Variants in CDK17 observed in about 807,000 individuals in gnomAD.
CDK17 encodes the protein cyclin dependent kinase 17, also known as cyclin-dependent kinase 17.
Under a neutral mutation model 77.6 loss-of-function variants are expected in CDK17, and 24 were observed. The ratio of observed to expected loss-of-function variants is 0.31; its 90% confidence interval spans 0.22 to 0.44. The LOEUF (loss-of-function observed/expected upper bound fraction) is 0.44, where lower values mean the gene tolerates loss of function less well. Among genes scored for constraint, CDK17 ranks in the 20% least tolerant of loss-of-function variants. CDK17 has a pLI of 1.00. For missense variants in CDK17, 429 were observed against 622.5 expected, an observed-to-expected ratio of 0.69 and a Z score of 3.31; for synonymous variants, 203 against 210.4, an observed-to-expected ratio of 0.96 and a Z score of 0.30.
At chr12:96,349,453 C>CA (rs1489746829) in intron 1 of CDK17, among the ~76,000 whole-genome samples, 18 of 111,674 alleles carry the variant, frequency 1.6e-4, no homozygotes, top group South Asian at 3.1e-4. Context: ...AACCCTGTCT[C>CA]AAAAAAAAAG....
At chr12:96,388,002 G>C (rs948302091) in intron 1 of CDK17, among the ~76,000 whole-genome samples, 1 of 151,970 alleles carries the variant, frequency 6.6e-6, no homozygotes, top group African/African-American at 2.4e-5. Flanking sequence ...AGGTGTGGCA[G>C]CTCACGCCTG....
chr12:96,302,659 G>C (rs1156964580), intron 5 of CDK17, among the ~76,000 whole-genome samples: 1 of 152,084 alleles, frequency 6.6e-6, no homozygotes, highest in African/African-American at 2.4e-5. Context: ...CTTCTCAGGA[G>C]TAGAGAAATT....
At chr12:96,337,744 A>G (rs1438851998) in intron 1 of CDK17, among the ~76,000 whole-genome samples, 1 of 152,034 alleles carries the variant, frequency 6.6e-6, no homozygotes, top group East Asian at 1.9e-4. Flanking sequence ...AGCTATTGCC[A>G]CTCTCATCTA....
intron 1 of CDK17, among the ~76,000 whole-genome samples, chr12:96,365,000 A>G (rs895092095): frequency 6.6e-6 from 1 of 152,234 alleles, no homozygotes; most frequent in African/African-American, 2.4e-5. Context: ...GTTTATATAT[A>G]TCACAAATAG....
intron 15 of CDK17, 120 bp from the exon 16 acceptor site, chr12:96,281,005 G>T: frequency 1.2e-6 from 1 of 814,116 alleles, no homozygotes; most frequent in African/African-American, 1.7e-5. Flanking sequence ...TTTACAAGGT[G>T]ATAGCCCTGC....
chr12:96,316,342 C>T (rs1205880805), intron 3 of CDK17, among the ~76,000 whole-genome samples: 13 of 151,688 alleles, frequency 8.6e-5, no homozygotes, highest in Non-Finnish European at 1.9e-4. Flanking sequence ...GCACAGCAGT[C>T]TGAGATCAAA....
At chr12:96,361,016 G>A (rs541681324) in intron 1 of CDK17, among the ~76,000 whole-genome samples, 1 of 152,222 alleles carries the variant, frequency 6.6e-6, no homozygotes, top group African/African-American at 2.4e-5. Context: ...CCAGAGCTGA[G>A]AGGAACAAAG....
chr12:96,294,584 C>CAAAA (rs11313631), intron 10 of CDK17, among the ~76,000 whole-genome samples: 2 of 54,344 alleles, frequency 3.7e-5, no homozygotes, highest in Non-Finnish European at 6.2e-5. Context: ...ATGCTGTCTT[C>CAAAA]AAAAAAAAAA....
chr12:96,371,568 G>A lies in CDK17; in HGVS notation c.-30+28418C>T, dbSNP rs1015946403. On this transcript the variant is annotated intron_variant, in intron 1 of 16. Transcript: ENST00000261211. ...AACACTTTGGGAGGCTGAGGTGGGCGGATCACCTGAGGTCAGGAGTTGGAG... is the reference window on the plus strand; with the variant it reads ...AACACTTTGGGAGGCTGAGGTGGGCAGATCACCTGAGGTCAGGAGTTGGAG... 1.2e-4 allele frequency among the ~76,000 whole-genome samples: 18 copies of A among 152,172 alleles called. 1 individual carries two copies. The East Asian group carries it at 3.1e-3, about 26-fold the overall frequency.
chr12:96,373,988 C>A (rs1953738021), intron 1 of CDK17, among the ~76,000 whole-genome samples: 1 of 152,102 alleles, frequency 6.6e-6, no homozygotes, highest in Non-Finnish European at 1.5e-5. Flanking sequence ...GATGTGAGAT[C>A]TAAATCAGAA....
chr12:96,311,413 T>C (rs1952644144), intron 4 of CDK17, among the ~76,000 whole-genome samples: 6 of 151,448 alleles, frequency 4.0e-5, no homozygotes. Flanking sequence ...AATTTTTGAG[T>C]CCTTTCACTG....
At chr12:96,373,333 C>T (rs1181151540) in intron 1 of CDK17, among the ~76,000 whole-genome samples, 1 of 152,296 alleles carries the variant, frequency 6.6e-6, no homozygotes, top group South Asian at 2.1e-4. Context: ...CCCAAAGTGC[C>T]TGTAATCCCA....
chr12:96,322,673 A>G (rs955044987), intron 3 of CDK17, among the ~76,000 whole-genome samples: 6 of 152,212 alleles, frequency 3.9e-5, no homozygotes, highest in East Asian at 1.9e-4. Flanking sequence ...GTTTTTGACT[A>G]TAACTAGAAC....
At chr12:96,325,354 T>C in intron 2 of CDK17, among the ~76,000 whole-genome samples, 1 of 152,262 alleles carries the variant, frequency 6.6e-6, no homozygotes, top group East Asian at 1.9e-4. Flanking sequence ...GGCATAAGGA[T>C]ACCTCCTGAT....
intron 1 of CDK17, among the ~76,000 whole-genome samples, chr12:96,390,735 AAAG>A (rs1186915316): frequency 6.7e-6 from 1 of 150,050 alleles, no homozygotes; most frequent in Non-Finnish European, 1.5e-5. Context: ...AAAAGACAGA[AAAG>A]AAAAAGAAAA....
At chr12:96,297,002 G>A (rs567850568) in intron 9 of CDK17, among the ~76,000 whole-genome samples, 1 of 151,930 alleles carries the variant, frequency 6.6e-6, no homozygotes, top group Non-Finnish European at 1.5e-5. Context: ...GAATACACCT[G>A]TACATATATT....
chr12:96,306,133 G>C lies in CDK17; in HGVS notation c.543+4919C>G, dbSNP rs79564497. 3.2e-3 allele frequency among the ~76,000 whole-genome samples: 494 copies of C among 152,268 alleles called. 4 individuals carry two copies. The highest frequency in any genetic ancestry group is 0.011 in the African/African-American group (471 of 41,548). ...CAGACAACACTGGGGATCTATGCGA[G>C]ATTGATGACCATAAATTTATATTAG... On this transcript the variant is annotated intron_variant, in intron 5 of 16. Coordinates refer to ENST00000261211, the MANE Select transcript of CDK17 (RefSeq NM_002595.5).
At chr12:96,288,196 T>C (rs1216601730) in intron 11 of CDK17, among the ~76,000 whole-genome samples, 1 of 152,198 alleles carries the variant, frequency 6.6e-6, no homozygotes, top group Non-Finnish European at 1.5e-5. Flanking sequence ...ATGAGTATTT[T>C]ACAATATTAA....
chr12:96,346,615 C>G (rs536490919), intron 1 of CDK17, among the ~76,000 whole-genome samples: 1 of 140,498 alleles, frequency 7.1e-6, no homozygotes, highest in East Asian at 2.2e-4. Flanking sequence ...GCAACAAGAG[C>G]AAAACTCCAC....
Sources: gnomAD v4.1 joint callset for allele counts (sites outside exome capture counted in the v4.1 genomes callset) on GRCh38, gnomAD v4.1.1 for gene constraint, MANE v1.5 for transcripts, NCBI Gene and HGNC (gene_info 2026-07-23, HGNC 2026-07-21) for gene names.